The following DGLUCY variants were observed in gnomAD, a reference collection of about 807,000 sequenced individuals.
DGLUCY encodes D-glutamate cyclase, mitochondrial.
Under a neutral mutation model 58.5 loss-of-function variants are expected in DGLUCY, and 58 were observed. The ratio of observed to expected loss-of-function variants is 0.99; its 90% CI spans 0.80 to 1.23. DGLUCY has a LOEUF of 1.23. DGLUCY is among the 50% of genes most tolerant of loss of function. The probability of loss-of-function intolerance (pLI) is 0.00; values close to 1 mark genes in which losing one functional copy is unlikely to be tolerated. For synonymous variants in DGLUCY, 325 were observed against 314.1 expected (o/e 1.03, Z -0.37); for missense variants, 779 against 784.7 (o/e 0.99, Z 0.09).
chr14:91,067,080 CA>C (rs778098019), intron 1 of DGLUCY, among the ~76,000 whole-genome samples: 2,570 of 70,940 alleles, frequency 0.036, 40 homozygotes, highest in African/African-American at 0.12. Flanking sequence ...GACTCCATCT[CA>C]AAAAAAAAAA....
chr14:91,159,736 G>A (rs1248378202), intron 2 of DGLUCY, among the ~76,000 whole-genome samples: 3 of 152,092 alleles, frequency 2.0e-5, no homozygotes, highest in Non-Finnish European at 4.4e-5. Context: ...GTCACATGTC[G>A]ACAGAAACTC....
chr14:91,081,426 C>T (rs1317891288), intron 1 of DGLUCY, among the ~76,000 whole-genome samples: 1 of 152,188 alleles, frequency 6.6e-6, no homozygotes. Flanking sequence ...GGCCATAGGC[C>T]AGGGCCAGCA....
rs2044772818 is a variant in DGLUCY, at chr14:91,114,273, CCAAA to C, written c.-85_-82del. On this transcript the variant is annotated 5_prime_UTR_variant, in exon 1 of 14. Coordinates refer to ENST00000256324, the MANE Select transcript of DGLUCY (RefSeq NM_001102368.3). ...TGTTTGTAGCCCTCGTCCAGACGCC[CCAAA>C]CAAACAGTAAGTCAGAAGGGAACAG... 2.0e-5 allele frequency: 3 copies of C among 152,280 alleles called. No homozygotes were observed. In the South Asian group the frequency reaches 6.2e-4, roughly 32 times the overall value. The allele number at this position is 152,280 out of a possible 1,614,324, so 9.4% of individuals were successfully genotyped here.
chr14:91,196,523 T>C (rs529358351), intron 10 of DGLUCY, 49 bp downstream of exon 10: 2 of 1,481,732 alleles, frequency 1.3e-6, no homozygotes, highest in East Asian at 4.5e-5. Context: ...GAAACGCCCA[T>C]ATGCTCTTCA....
intron 1 of DGLUCY, among the ~76,000 whole-genome samples, chr14:91,142,230 T>C (rs2046738987): frequency 6.6e-6 from 1 of 152,136 alleles, no homozygotes; most frequent in African/African-American, 2.4e-5. Flanking sequence ...ACTCTAGAAC[T>C]TGTGGTCTGA....
intron 1 of DGLUCY, among the ~76,000 whole-genome samples, chr14:91,075,486 G>C (rs568459381): frequency 6.6e-6 from 1 of 152,114 alleles, no homozygotes; most frequent in Non-Finnish European, 1.5e-5. Context: ...TTTGTCCTTT[G>C]TTGGGCATCC....
chr14:91,065,985 G>T (rs1272832933), intron 1 of DGLUCY, among the ~76,000 whole-genome samples: 1 of 152,200 alleles, frequency 6.6e-6, no homozygotes, highest in East Asian at 1.9e-4. Flanking sequence ...CCGTGAAAAG[G>T]CTGAGACAGA....
intron 1 of DGLUCY, among the ~76,000 whole-genome samples, chr14:91,061,374 C>T (rs150650477): frequency 6.6e-4 from 100 of 152,326 alleles, no homozygotes; most frequent in African/African-American, 2.3e-3. Context: ...AAGACTCTTA[C>T]TAGGCGCCGA....
Position 91,225,331 on chromosome 14 carries a change from A to G in DGLUCY, c.*498A>G, listed in dbSNP as rs951295846. ...GAAAATACTAAATGAAAAATTTCAG[A>G]AATAAACAACTCTTAAGTTTTAAAT... On this transcript the variant is annotated 3_prime_UTR_variant, in exon 14 of 14. Coordinates refer to ENST00000256324, the MANE Select transcript of DGLUCY (RefSeq NM_001102368.3). The G allele has an allele frequency of 1.3e-5, 2 of 152,458 alleles. No individual in the cohort carries two copies. 9.4% of individuals were successfully genotyped at this position (152,458 alleles called of 1,614,324 possible).
intron 13 of DGLUCY, among the ~76,000 whole-genome samples, chr14:91,219,337 G>A (rs1426544607): frequency 6.6e-6 from 1 of 152,176 alleles, no homozygotes; most frequent in African/African-American, 2.4e-5. Context: ...GGTAAGGAAG[G>A]GTGGAAAAGG....
intron 1 of DGLUCY, among the ~76,000 whole-genome samples, chr14:91,137,674 C>T (rs1365273183): frequency 6.6e-6 from 1 of 151,774 alleles, no homozygotes; most frequent in Non-Finnish European, 1.5e-5. Context: ...GGATCATAGG[C>T]GTGAGACACC....
intron 1 of DGLUCY, among the ~76,000 whole-genome samples, chr14:91,092,676 C>G (rs2044332230): frequency 6.6e-6 from 1 of 152,184 alleles, no homozygotes; most frequent in African/African-American, 2.4e-5. Flanking sequence ...TAATAGAGAT[C>G]TCATGGCTTC....
chr14:91,192,716 A>G (rs1178441838), intron 9 of DGLUCY, among the ~76,000 whole-genome samples: 1 of 152,182 alleles, frequency 6.6e-6, no homozygotes, highest in African/African-American at 2.4e-5. Flanking sequence ...AGACACAAGA[A>G]TCGCTTGAAC....
upstream of DGLUCY, among the ~76,000 whole-genome samples, chr14:91,109,618 C>T (rs1432887932): frequency 6.6e-6 from 1 of 152,162 alleles, no homozygotes; most frequent in Non-Finnish European, 1.5e-5. Context: ...TGAGGTTCCT[C>T]TTCCTGGCTC....
At chr14:91,175,754 T>C (rs1042369627) in intron 6 of DGLUCY, 180 bp from the exon 7 acceptor site, 4 of 567,848 alleles carry the variant, frequency 7.0e-6, no homozygotes, top group Non-Finnish European at 1.2e-5. Flanking sequence ...CTGTAAATTA[T>C]GGAGTAGCCT....
chr14:91,196,317 G>C, intron 9 of DGLUCY, 58 bp from the exon 10 acceptor site: 1 of 1,453,566 alleles, frequency 6.9e-7, no homozygotes. Context: ...AAGCCAACGT[G>C]AATTTCCAAA....
chr14:91,189,279 A>G lies in DGLUCY; in HGVS notation c.1195+109A>G, dbSNP rs116584185. The stretch of plus-strand genomic sequence containing the variant: ...AGCATTCTCCTTCCAGCTCAGAACA[A>G]CTCCGTTGTAAGCTGCATAGCTTGA... On this transcript the variant is annotated intron_variant, in intron 9 of 13. Transcript: ENST00000256324. 1,806 of 1,394,514 alleles carry G rather than the reference A, an allele frequency of 1.3e-3. 18 individuals are homozygous for G. The African/African-American group carries it at 0.023, about 18-fold the overall frequency. The allele number at this position is 1,394,514 out of a possible 1,614,324, so 86.4% of individuals were successfully genotyped here.
At chr14:91,150,191 C>G (rs1325745267) in intron 1 of DGLUCY, among the ~76,000 whole-genome samples, 1 of 131,034 alleles carries the variant, frequency 7.6e-6, no homozygotes, top group East Asian at 2.2e-4. Context: ...TGCACTCCAG[C>G]CTGGGTGACA....
chr14:91,157,169 GGATA>G (rs1181170211), intron 1 of DGLUCY, among the ~76,000 whole-genome samples: 46 of 146,968 alleles, frequency 3.1e-4, no homozygotes, highest in Admixed American at 1.4e-3. Flanking sequence ...ATGGGTGGAT[GGATA>G]GATGGATGGA....
Sources: allele counts gnomAD v4.1 joint callset (sites outside exome capture counted in the v4.1 genomes callset), GRCh38; gene constraint gnomAD v4.1.1; transcripts MANE v1.5; gene names NCBI Gene and HGNC (gene_info 2026-07-23, HGNC 2026-07-21).